The following BDP1 variants were observed in gnomAD, a reference collection of about 807,000 sequenced individuals.
BDP1 encodes the protein transcription factor TFIIIB component B'' homolog.
In BDP1, 169 loss-of-function variants were observed where a neutral mutation model predicts 266.6. That is an observed-to-expected ratio of 0.63 (90% CI 0.56 to 0.72). BDP1 has a LOEUF of 0.72. BDP1 is among the 30% of genes least tolerant of loss of function. The pLI, the probability that BDP1 is intolerant of heterozygous loss-of-function variation, is 0.00. For synonymous variants in BDP1, 1,090 were observed against 1,022.4 expected (o/e 1.07, Z -1.26); for missense variants, 3,015 against 3,053.8 (o/e 0.99, Z 0.30).
intron 7 of BDP1, among the ~76,000 whole-genome samples, chr5:71,473,248 C>A (rs1157976378): frequency 2.2e-5 from 3 of 137,976 alleles, no homozygotes; most frequent in Admixed American, 7.4e-5. Context: ...AATGAACCAA[C>A]TTTTCTTAAT....
At chr5:71,481,675 T>G (rs1328052577) in intron 7 of BDP1, among the ~76,000 whole-genome samples, 3 of 152,230 alleles carry the variant, frequency 2.0e-5, no homozygotes, top group South Asian at 2.1e-4. Context: ...AGATCTAGAC[T>G]GGTCTTTAAT....
intron 8 of BDP1, 106 bp from the exon 9 acceptor site, chr5:71,486,378 C>T (rs1763261622): frequency 1.1e-6 from 1 of 915,454 alleles, no homozygotes; most frequent in Admixed American, 3.2e-5. Flanking sequence ...TTCTGTTCTC[C>T]TACTGATAAA....
chr5:71,549,066 C>G (rs182816316), intron 33 of BDP1, among the ~76,000 whole-genome samples: 198 of 152,248 alleles, frequency 1.3e-3, no homozygotes, highest in African/African-American at 4.6e-3. Flanking sequence ...TGGTGAAACA[C>G]CATCTCTACT....
chr5:71,482,033 T>C (rs1048618301), intron 7 of BDP1, among the ~76,000 whole-genome samples: 2 of 152,224 alleles, frequency 1.3e-5, no homozygotes, highest in Non-Finnish European at 2.9e-5. Context: ...GTCTTTCCAT[T>C]AGGATGCACC....
Position 71,548,662 on chromosome 5 carries a change from A to G in BDP1, c.6745-20A>G. The G allele has an allele frequency of 1.9e-6, 3 of 1,560,862 alleles. No homozygotes were observed. The highest frequency in any genetic ancestry group is 1.1e-5 in the South Asian group (1 of 88,068). The stretch of plus-strand genomic sequence containing the variant: ...AAGATTTGGCCAACCTGACTCTTTC[A>G]TTTTAATTTTTTATGGCAGTATACA... On this transcript the variant is annotated intron_variant, in intron 32 of 38. Coordinates refer to ENST00000358731, the MANE Select transcript of BDP1 (RefSeq NM_018429.3).
Position 71,476,698 on chromosome 5 carries a change from C to G in BDP1, c.1014+6209C>G, listed in dbSNP as rs112727408. ...TTGGAATTACAGGCGCGTGCCACCA[C>G]GCCCAGCTAATTTTCTTTTTTTTGA... On this transcript the variant is annotated intron_variant, in intron 7 of 38. Coordinates refer to ENST00000358731, the MANE Select transcript of BDP1 (RefSeq NM_018429.3). Among the ~76,000 whole-genome samples, 19 of 151,810 alleles carry G rather than the reference C, an allele frequency of 1.3e-4. No homozygotes were observed. In the East Asian group the frequency reaches 3.3e-3, roughly 26 times the overall value.
downstream of BDP1, among the ~76,000 whole-genome samples, chr5:71,572,809 G>C (rs927911905): frequency 6.6e-6 from 1 of 152,182 alleles, no homozygotes; most frequent in African/African-American, 2.4e-5. Context: ...TGATTCTTCT[G>C]TTTTTTCCAC....
intron 14 of BDP1, 120 bp from the exon 15 acceptor site, chr5:71,502,479 A>C: frequency 1.1e-6 from 1 of 951,482 alleles, no homozygotes; most frequent in Non-Finnish European, 1.5e-6. Context: ...CGGGCGGATT[A>C]TGTCTTTTCA....
chr5:71,486,453 C>G (rs11744802), intron 8 of BDP1, 31 bp from the exon 9 acceptor site: 37,601 of 1,521,542 alleles, frequency 0.025, 569 homozygotes, highest in Non-Finnish European at 0.029. Flanking sequence ...AAAATAAAAA[C>G]TTGAAAGTTC....
chr5:71,480,091 C>T (rs556011512), intron 7 of BDP1, among the ~76,000 whole-genome samples: 3 of 151,566 alleles, frequency 2.0e-5, no homozygotes, highest in Admixed American at 6.6e-5. Context: ...ACTACAGGTG[C>T]GCACCACCAT....
chr5:71,506,779 T>C (rs1764601207), intron 16 of BDP1, among the ~76,000 whole-genome samples: 1 of 122,002 alleles, frequency 8.2e-6, no homozygotes, highest in South Asian at 3.2e-4. Context: ...TATATATATA[T>C]ATTTGAAACA....
rs537872428 is a variant in BDP1, at chr5:71,510,552, T to C, written c.3460T>C (p.Ser1154Pro). 1.2e-6 allele frequency: 2 copies of C among 1,613,690 alleles called. No homozygotes were observed. Among genetic ancestry groups the C allele is most frequent in the South Asian group, 1.1e-5 (1 of 91,062 alleles). ...DLEETGRREISPEENGPEEVK... is the reference protein window; with the variant it reads ...DLEETGRREIPPEENGPEEVK... ...GGAAGAAACTGGAAGAAGAGAAATA[T>C]CCCCAGAGGAAAATGGCCCAGAGGA... Residue 1154 changes from serine to proline, a missense_variant, in exon 17 of 39, where the codon TCC (serine) becomes CCC (proline). Around this residue, in one of 3 missense-constraint regions of BDP1, gnomAD observed 2,383 missense variants for 2,404.9 expected, o/e 0.99. Transcript: ENST00000358731.
At position 71,513,370 on chromosome 5, in the gene BDP1, A is replaced by G. The variant is rs1765042551; in HGVS notation, c.4433A>G (p.Glu1478Gly). The G allele has an allele frequency of 4.4e-6, 7 of 1,596,908 alleles. No individual in the cohort carries two copies. In the African/African-American group the frequency reaches 6.8e-5, roughly 15 times the overall value. ...TKKMETIVMQ[E>G]NNEQTDTLPS... ...AAAATGGAGACTATTGTGATGCAAG[A>G]AAATAATGAACAAACTGATACTCTC... Residue 1478 changes from glutamate (E) to glycine (G), a missense_variant, in exon 19 of 39, where the codon GAA becomes GGA. By Grantham distance (98) the Glu-to-Gly change is moderately conservative. Transcript: ENST00000358731.
rs200298842 is a variant in BDP1 at position 71,562,394 on chromosome 5, A to G, written c.7617A>G (p.Arg2539=). The change falls in exon 38 of 39, where the codon AGA becomes AGG. Residue 2539 remains arginine (R), a synonymous_variant. Coordinates refer to ENST00000358731, the MANE Select transcript of BDP1 (RefSeq NM_018429.3). The part of the protein sequence containing the change: ...KRLKPLIPGL[R]KKLKRSNPFN... The stretch of plus-strand genomic sequence containing the variant: ...TAAAACCTCTTATACCTGGATTAAG[A>G]AAGAAATTGAAAAGATCTAATCCAT... 1.2e-5 allele frequency: 19 copies of G among 1,613,992 alleles called. No individual in the cohort carries two copies. In the African/African-American group the frequency reaches 2.3e-4, roughly 19 times the overall value.
chr5:71,516,343 G>A (rs1265451254), intron 21 of BDP1, 72 bp downstream of exon 21: 14 of 1,150,608 alleles, frequency 1.2e-5, no homozygotes, highest in Non-Finnish European at 1.6e-5. Context: ...CTCAGACATA[G>A]CTTAGAAATA....
intron 7 of BDP1, among the ~76,000 whole-genome samples, chr5:71,470,748 C>T (rs967209668): frequency 3.3e-5 from 5 of 151,888 alleles, no homozygotes; most frequent in East Asian, 1.9e-4. Flanking sequence ...CCACCACGCC[C>T]GGCTGATTTT....
Position 71,467,297 on chromosome 5 carries a change from T to A in BDP1, c.786-57T>A, listed in dbSNP as rs180764732. ...CAAAATATAACTATTTACATCTCAT[T>A]TGCTATTTGTTTCCTTGTTTTTAGT... On this transcript the variant is annotated intron_variant, in intron 5 of 38. Coordinates refer to ENST00000358731, the MANE Select transcript of BDP1 (RefSeq NM_018429.3). 1.3e-4 allele frequency: 178 copies of A among 1,372,412 alleles called. 1 individual carries two copies. The African/African-American group carries it at 2.5e-3, about 19-fold the overall frequency. The allele number at this position is 1,372,412 out of a possible 1,614,324, so 85.0% of individuals were successfully genotyped here. A position where few individuals can be genotyped will look rare whatever the true frequency, so the allele number is the denominator to read the frequency against.
At chr5:71,572,404 G>C (rs545924799), downstream of BDP1, among the ~76,000 whole-genome samples, 231 of 152,286 alleles carry the variant, frequency 1.5e-3, 1 homozygote, top group Non-Finnish European at 2.7e-3. Flanking sequence ...CAGGGGCTTC[G>C]AGGATGTGAA....
rs571969284 is a variant in BDP1, at chr5:71,566,617, C to G, written c.*1732C>G. ...CCAGATGGTCTCTGTGGCAGCTACTCAGCTCTGCAATTTCAGTGTGAAAGA... is the reference window on the plus strand; with the variant it reads ...CCAGATGGTCTCTGTGGCAGCTACTGAGCTCTGCAATTTCAGTGTGAAAGA... On this transcript the variant is annotated 3_prime_UTR_variant, in exon 39 of 39. Coordinates refer to ENST00000358731, the MANE Select transcript of BDP1 (RefSeq NM_018429.3). 2 of 152,294 alleles carry G rather than the reference C, an allele frequency of 1.3e-5. No individual in the cohort carries two copies. The highest frequency in any genetic ancestry group is 6.5e-5 in the Admixed American group (1 of 15,288). The allele number at this position is 152,294 out of a possible 1,614,324, so 9.4% of individuals were successfully genotyped here. A position where few individuals can be genotyped will look rare whatever the true frequency, so the allele number is the denominator to read the frequency against.
Sources: gnomAD v4.1 joint callset for allele counts (sites outside exome capture counted in the v4.1 genomes callset) on GRCh38, gnomAD v4.1.1 for gene constraint, gnomAD v4.1.1 regional missense constraint, MANE v1.5 for transcripts, NCBI Gene and HGNC (gene_info 2026-07-23, HGNC 2026-07-21) for gene names.